DOCK5: variants seen among roughly 807,000 people sequenced by gnomAD.
DOCK5 encodes dedicator of cytokinesis 5.
Under a neutral mutation model 251.8 loss-of-function variants are expected in DOCK5, and 142 were observed. The observed-to-expected ratio is 0.56, with a 90% confidence interval of 0.49 to 0.65. The LOEUF is 0.65. Among genes scored for constraint, DOCK5 ranks in the 30% least tolerant of loss-of-function variants. DOCK5 has a pLI of 0.00. For synonymous variants in DOCK5, 842 were observed against 835.5 expected, an observed-to-expected ratio of 1.01 and a Z score of -0.13; for missense variants, 2,111 against 2,312.3, an observed-to-expected ratio of 0.91 and a Z score of 1.79.
At chr8:25,278,533 C>T (rs544268028) in intron 4 of DOCK5, 36 bp from the exon 5 acceptor site, 1 of 1,597,112 alleles carries the variant, frequency 6.3e-7, no homozygotes, top group South Asian at 1.1e-5. Context: ...TGCTGATCAG[C>T]CTAGAAGAAA....
chr8:25,239,335 G>GTGTA (rs1336059069), intron 1 of DOCK5, among the ~76,000 whole-genome samples: 16 of 123,048 alleles, frequency 1.3e-4, no homozygotes, highest in African/African-American at 5.3e-4. Flanking sequence ...GTGTGTGTGT[G>GTGTA]TGTGTATGTG....
intron 5 of DOCK5, among the ~76,000 whole-genome samples, chr8:25,287,771 C>T (rs1183753692): frequency 2.6e-5 from 4 of 151,860 alleles, no homozygotes; most frequent in Admixed American, 6.6e-5. Context: ...GAGAGATAAC[C>T]GAGAAGGCTT....
chr8:25,311,989 G>A (rs1805109631), intron 13 of DOCK5, among the ~76,000 whole-genome samples: 1 of 151,834 alleles, frequency 6.6e-6, no homozygotes, highest in Admixed American at 6.6e-5. Flanking sequence ...GAGAAATTAA[G>A]GGGCAGTGAT....
At chr8:25,350,318 G>GGACA (rs1800443784) in intron 26 of DOCK5, among the ~76,000 whole-genome samples, 2 of 151,902 alleles carry the variant, frequency 1.3e-5, no homozygotes, top group African/African-American at 4.8e-5. Context: ...CATAAAGCAA[G>GGACA]GACAGATAGA....
chr8:25,253,739 G>T (rs1384926640), intron 2 of DOCK5, among the ~76,000 whole-genome samples: 1 of 152,174 alleles, frequency 6.6e-6, no homozygotes, highest in African/African-American at 2.4e-5. Context: ...ATATATTGAT[G>T]AAAGAATTTG....
At chr8:25,252,428 A>G (rs1168184917) in intron 2 of DOCK5, among the ~76,000 whole-genome samples, 1 of 152,266 alleles carries the variant, frequency 6.6e-6, no homozygotes, top group Non-Finnish European at 1.5e-5. Context: ...CAAAATCTAT[A>G]TAGTCTCCAC....
chr8:25,226,303 C>T (rs1439279947), intron 1 of DOCK5, among the ~76,000 whole-genome samples: 1 of 144,878 alleles, frequency 6.9e-6, no homozygotes, highest in African/African-American at 2.6e-5. Context: ...ACTCTGTCAC[C>T]CAGGCTGGAG....
At chr8:25,319,741 T>C in intron 15 of DOCK5, 65 bp downstream of exon 15, 1 of 1,220,576 alleles carries the variant, frequency 8.2e-7, no homozygotes, top group Non-Finnish European at 1.1e-6. Flanking sequence ...TATCTTCTGT[T>C]TACCCCCAAA....
intron 2 of DOCK5, among the ~76,000 whole-genome samples, chr8:25,266,646 A>G (rs889641451): frequency 6.6e-6 from 1 of 151,916 alleles, no homozygotes; most frequent in African/African-American, 2.4e-5. Context: ...AACTATTACC[A>G]TATTCTGTGC....
At position 25,210,041 on chromosome 8, in the gene DOCK5, TGTGTGTG is replaced by T. The variant is rs1802089709; in HGVS notation, c.43+25091_43+25097del. The stretch of plus-strand genomic sequence containing the variant: ...ATATATATATATATATATAAATGTG[TGTGTGTG>T]TGTGTGTGTGTGTGTGTGTGTATCT... On this transcript the variant is annotated intron_variant, in intron 1 of 51. Transcript: ENST00000276440. 2.3e-4 allele frequency among the ~76,000 whole-genome samples: 4 copies of T among 17,328 alleles called. 1 individual carries two copies. The highest frequency in any genetic ancestry group is 1.1e-3 in the African/African-American group (4 of 3,586). 11.4% of individuals were successfully genotyped at this position (17,328 alleles called of 152,430 possible). A position where few individuals can be genotyped will look rare whatever the true frequency, so the allele number is the denominator to read the frequency against.
intron 3 of DOCK5, among the ~76,000 whole-genome samples, chr8:25,270,550 A>C (rs933312289): frequency 1.6e-4 from 24 of 152,372 alleles, no homozygotes; most frequent in African/African-American, 5.8e-4. Context: ...AAGAAAAAAA[A>C]AGTTAATTTA....
intron 28 of DOCK5, among the ~76,000 whole-genome samples, chr8:25,362,549 C>A (rs1432135018): frequency 6.8e-6 from 1 of 147,512 alleles, no homozygotes; most frequent in African/African-American, 2.5e-5. Context: ...TCACTGCAAC[C>A]TCTGCCTCCT....
At chr8:25,229,068 C>CAA (rs534068390) in intron 1 of DOCK5, among the ~76,000 whole-genome samples, 51 of 87,620 alleles carry the variant, frequency 5.8e-4, no homozygotes, top group African/African-American at 1.9e-3. Flanking sequence ...TCATGTCTAC[C>CAA]AAAAAAAAAA....
intron 29 of DOCK5, among the ~76,000 whole-genome samples, chr8:25,363,815 C>G (rs994736129): frequency 6.6e-6 from 1 of 152,244 alleles, no homozygotes; most frequent in African/African-American, 2.4e-5. Context: ...CAGTGCCTTC[C>G]CCATAACCTC....
chr8:25,293,289 A>T (rs1163292961), intron 6 of DOCK5, among the ~76,000 whole-genome samples: 1 of 152,204 alleles, frequency 6.6e-6, no homozygotes, highest in Non-Finnish European at 1.5e-5. Flanking sequence ...GAGACCTATT[A>T]AAATATAGAT....
intron 13 of DOCK5, among the ~76,000 whole-genome samples, chr8:25,310,783 T>A (rs1467616269): frequency 6.6e-6 from 1 of 152,190 alleles, no homozygotes; most frequent in Non-Finnish European, 1.5e-5. Flanking sequence ...TTTAAGACTA[T>A]CTCCCCGAGA....
At chr8:25,220,911 C>G (rs1202546105) in intron 1 of DOCK5, among the ~76,000 whole-genome samples, 1 of 152,016 alleles carries the variant, frequency 6.6e-6, no homozygotes, top group African/African-American at 2.4e-5. Context: ...GCCTCTCATT[C>G]AGTTTTTACA....
chr8:25,372,477 T>G, intron 34 of DOCK5, 82 bp from the exon 35 acceptor site: 42 of 1,408,386 alleles, frequency 3.0e-5, no homozygotes, highest in Non-Finnish European at 3.6e-5. Flanking sequence ...CAGCCACTGC[T>G]GAGACCCTGG....
intron 1 of DOCK5, among the ~76,000 whole-genome samples, chr8:25,226,464 A>G (rs903612192): frequency 3.3e-5 from 5 of 151,398 alleles, no homozygotes; most frequent in Admixed American, 6.6e-5. Flanking sequence ...GGGTTTCGCC[A>G]TGTTGGCCAG....
Sources: allele counts gnomAD v4.1 joint callset (sites outside exome capture counted in the v4.1 genomes callset), GRCh38; gene constraint gnomAD v4.1.1; transcripts MANE v1.5; gene names NCBI Gene and HGNC (gene_info 2026-07-23, HGNC 2026-07-21).